PLCB1: variants seen among roughly 807,000 people sequenced by gnomAD.
The protein encoded by PLCB1 is 1-phosphatidylinositol 4,5-bisphosphate phosphodiesterase beta-1.
Under a neutral mutation model 161.8 loss-of-function variants are expected in PLCB1, and 46 were observed. That is an observed-to-expected ratio of 0.28 (90% CI 0.22 to 0.36). PLCB1 has a LOEUF of 0.36. PLCB1 is among the 10% of genes least tolerant of loss of function. PLCB1 has a pLI of 1.00. For synonymous variants in PLCB1, 517 were observed against 503.7 expected (o/e 1.03, Z -0.35); for missense variants, 1,016 against 1,472.5 (o/e 0.69, Z 5.07).
intron 4 of PLCB1, among the ~76,000 whole-genome samples, chr20:8,644,508 G>A (rs1281355247): frequency 6.7e-6 from 1 of 148,268 alleles, no homozygotes; most frequent in Admixed American, 6.7e-5. Flanking sequence ...GAGGTGAGGA[G>A]CGTCTCTGCC....
intron 4 of PLCB1, among the ~76,000 whole-genome samples, chr20:8,635,202 G>C (rs546751850): frequency 1.3e-5 from 2 of 152,068 alleles, no homozygotes; most frequent in Admixed American, 1.3e-4. Flanking sequence ...TCTGTTTTGT[G>C]TTCCCAGGAT....
intron 9 of PLCB1, among the ~76,000 whole-genome samples, chr20:8,666,645 T>A (rs1398001968): frequency 3.3e-5 from 5 of 152,226 alleles, no homozygotes; most frequent in Non-Finnish European, 7.3e-5. Context: ...TTTGTCCCGC[T>A]ACTCCAGACA....
chr20:8,826,495 CA>C (rs5840291), intron 31 of PLCB1, among the ~76,000 whole-genome samples: 60 of 123,050 alleles, frequency 4.9e-4, no homozygotes, highest in Non-Finnish European at 5.2e-4. Flanking sequence ...GACTCCGTCT[CA>C]AAAAAAAAAA....
intron 3 of PLCB1, among the ~76,000 whole-genome samples, chr20:8,437,289 C>T (rs145846124): frequency 5.3e-5 from 8 of 152,294 alleles, no homozygotes; most frequent in African/African-American, 1.9e-4. Flanking sequence ...AACTTAGAGT[C>T]ATCTCAAGAT....
chr20:8,681,086 G>GTGTATATATATATATATATA (rs1394518085), intron 9 of PLCB1, among the ~76,000 whole-genome samples: 9 of 73,846 alleles, frequency 1.2e-4, no homozygotes, highest in Admixed American at 4.7e-4. Flanking sequence ...ATGTGTGTGT[G>GTGTATATATATATATATATA]TATATATATA....
intron 3 of PLCB1, among the ~76,000 whole-genome samples, chr20:8,502,775 A>T (rs1467641226): frequency 6.6e-6 from 1 of 152,152 alleles, no homozygotes; most frequent in Admixed American, 6.5e-5. Flanking sequence ...AGAAAACCCC[A>T]ATTACAGATA....
chr20:8,433,432 T>C (rs548591695), intron 3 of PLCB1, among the ~76,000 whole-genome samples: 1 of 148,662 alleles, frequency 6.7e-6, no homozygotes, highest in East Asian at 1.9e-4. Flanking sequence ...CTTTTGCTCA[T>C]GCTTTCTGAA....
intron 12 of PLCB1, among the ~76,000 whole-genome samples, chr20:8,711,760 G>A (rs1007163878): frequency 6.6e-6 from 1 of 151,850 alleles, no homozygotes; most frequent in South Asian, 2.1e-4. Flanking sequence ...TGACTTGTGA[G>A]CCACTTCATC....
intron 3 of PLCB1, among the ~76,000 whole-genome samples, chr20:8,535,202 C>CAAAAAA (rs11323420): frequency 7.6e-5 from 4 of 52,786 alleles, no homozygotes; most frequent in East Asian, 6.0e-4. Flanking sequence ...AGTTTATGGG[C>CAAAAAA]AAAAAAAAAA....
chr20:8,841,852 A>G (rs1986516325), intron 31 of PLCB1, among the ~76,000 whole-genome samples: 1 of 152,206 alleles, frequency 6.6e-6, no homozygotes, highest in Admixed American at 6.5e-5. Context: ...TGGTATCATC[A>G]TGGGGTCATT....
chr20:8,132,565 A>T lies in PLCB1; in HGVS notation c.-87A>T. 1.2e-6 allele frequency: 1 copy of T among 804,718 alleles called. No individual in the cohort carries two copies. Among genetic ancestry groups the T allele is most frequent in the Non-Finnish European group, 1.8e-6 (1 of 552,194 alleles). The allele number at this position is 804,718 out of a possible 1,614,324, so 49.8% of individuals were successfully genotyped here. A position where few individuals can be genotyped will look rare whatever the true frequency, so the allele number is the denominator to read the frequency against. On this transcript the variant is annotated 5_prime_UTR_variant, in exon 1 of 32. Transcript: ENST00000338037. This position sits in a 1 kb window ranked among gnomAD's most constrained non-coding sequence, Gnocchi z 5.2. The stretch of plus-strand genomic sequence containing the variant: ...CGAGCGCCTCCGGAGCAGAGAAAGG[A>T]GCCCGCGCCCCGCGCCCCGCGCCCC...
At chr20:8,751,096 C>G in intron 23 of PLCB1, 1 of 185,014 alleles carries the variant, frequency 5.4e-6, no homozygotes, top group Non-Finnish European at 1.1e-5. Flanking sequence ...CCACCAAGCC[C>G]GGCTAATTTT....
At chr20:8,590,265 A>G (rs1987109123) in intron 3 of PLCB1, among the ~76,000 whole-genome samples, 1 of 152,156 alleles carries the variant, frequency 6.6e-6, no homozygotes, top group Non-Finnish European at 1.5e-5. Context: ...ACCTATGACA[A>G]ATTCGGAAGT....
chr20:8,862,386 C>A (rs1403845504), intron 31 of PLCB1, among the ~76,000 whole-genome samples: 2 of 152,120 alleles, frequency 1.3e-5, no homozygotes, highest in African/African-American at 4.8e-5. Context: ...TTATTCGCAG[C>A]CTGTCTTTTC....
chr20:8,198,186 A>G (rs550772168), intron 2 of PLCB1, among the ~76,000 whole-genome samples: 2 of 152,224 alleles, frequency 1.3e-5, no homozygotes, highest in South Asian at 2.1e-4. Flanking sequence ...GTTTTTTCCA[A>G]TTCTGTGAAG....
chr20:8,143,319 A>G (rs1242560225), intron 1 of PLCB1, among the ~76,000 whole-genome samples: 7 of 152,186 alleles, frequency 4.6e-5, no homozygotes. Context: ...GCTGTGGGCA[A>G]CATGGCTCCC....
chr20:8,193,732 T>C (rs888145217), intron 2 of PLCB1, among the ~76,000 whole-genome samples: 3 of 152,070 alleles, frequency 2.0e-5, no homozygotes, highest in Non-Finnish European at 4.4e-5. Flanking sequence ...CTGCTAATTT[T>C]CTACCCTAAC....
intron 27 of PLCB1, among the ~76,000 whole-genome samples, chr20:8,783,332 A>AT (rs1983330010): frequency 6.6e-6 from 1 of 152,226 alleles, no homozygotes; most frequent in Non-Finnish European, 1.5e-5. Context: ...CTAATAAATG[A>AT]TCGAATGGCT....
chr20:8,783,617 C>T (rs1983343040), intron 27 of PLCB1, among the ~76,000 whole-genome samples: 1 of 152,064 alleles, frequency 6.6e-6, no homozygotes, highest in Non-Finnish European at 1.5e-5. Flanking sequence ...TAACTTAGGC[C>T]AGAAGGGTAT....
Sources: gnomAD v4.1 joint callset for allele counts (sites outside exome capture counted in the v4.1 genomes callset) on GRCh38, gnomAD v4.1.1 for gene constraint, Gnocchi (gnomAD v3.1) non-coding constraint, MANE v1.5 for transcripts, NCBI Gene and HGNC (gene_info 2026-07-23, HGNC 2026-07-21) for gene names.